The following G3BP2 variants were observed in gnomAD, a reference collection of about 807,000 sequenced individuals.
The protein encoded by G3BP2 is ras GTPase-activating protein-binding protein 2.
A neutral mutation model predicts 56.7 loss-of-function variants in G3BP2; 11 were observed. That is an observed-to-expected ratio of 0.19 (90% CI 0.12 to 0.32). The LOEUF (loss-of-function observed/expected upper bound fraction) is 0.32, where lower values mean the gene tolerates loss of function less well. G3BP2 is among the 10% of genes least tolerant of loss of function. G3BP2 has a pLI of 1.00. For synonymous variants in G3BP2, 165 were observed against 191.6 expected (o/e 0.86, Z 1.15); for missense variants, 340 against 610.9 (o/e 0.56, Z 4.67).
intron 3 of G3BP2, among the ~76,000 whole-genome samples, chr4:75,707,442 T>TACTAAAAATACAAAAAA: frequency 6.6e-6 from 1 of 151,898 alleles, no homozygotes; most frequent in East Asian, 1.9e-4. Flanking sequence ...ACCCCGTCTC[T>TACTAAAAATACAAAAAA]ACTAAAAATA....
rs946890318 is a variant in G3BP2 at position 75,654,923 on chromosome 4, T to G, written c.726+143A>C. 5 of 624,170 alleles carry G rather than the reference T, an allele frequency of 8.0e-6. No individual in the cohort carries two copies. The African/African-American group carries it at 9.3e-5, about 12-fold the overall frequency. The allele number at this position is 624,170 out of a possible 1,614,324, so 38.7% of individuals were successfully genotyped here. On this transcript the variant is annotated intron_variant, in intron 7 of 11. Coordinates refer to ENST00000359707, the MANE Select transcript of G3BP2 (RefSeq NM_203505.3). ...AGGGAAACAATAACATTTTCTCAGG[T>G]AACAAACAAACCCCACAGCTTCTTT...
intron 1 of G3BP2, among the ~76,000 whole-genome samples, chr4:75,667,851 T>TG (rs1304843961): frequency 6.6e-6 from 1 of 152,130 alleles, no homozygotes; most frequent in Admixed American, 6.6e-5. Context: ...ATCACACCCT[T>TG]GCACTTCAGC....
chr4:75,704,308 C>A (rs1410843214), intron 3 of G3BP2, among the ~76,000 whole-genome samples: 1 of 151,882 alleles, frequency 6.6e-6, no homozygotes, highest in African/African-American at 2.4e-5. Flanking sequence ...TGAGCCCCCG[C>A]CGGACCTGTT....
At chr4:75,722,356 T>C (rs541031828) in intron 1 of G3BP2, among the ~76,000 whole-genome samples, 4 of 152,234 alleles carry the variant, frequency 2.6e-5, no homozygotes, top group African/African-American at 9.6e-5. Flanking sequence ...AGTAACCTAC[T>C]GTACCCACCA....
chr4:75,687,450 C>T (rs1718660170), intron 3 of G3BP2, among the ~76,000 whole-genome samples: 1 of 152,136 alleles, frequency 6.6e-6, no homozygotes, highest in Non-Finnish European at 1.5e-5. Flanking sequence ...TCATCCCAGT[C>T]CCAGGTATGT....
chr4:75,704,694 G>A (rs530458564), intron 3 of G3BP2, among the ~76,000 whole-genome samples: 7 of 152,056 alleles, frequency 4.6e-5, no homozygotes, highest in African/African-American at 7.2e-5. Flanking sequence ...GTGCAGTGGC[G>A]CAATCTCGGC....
intron 4 of G3BP2, 79 bp from the exon 5 acceptor site, chr4:75,657,093 A>T (rs1485864005): frequency 7.6e-6 from 5 of 655,464 alleles, no homozygotes; most frequent in Non-Finnish European, 1.3e-5. Flanking sequence ...GGCATACACA[A>T]TTTCTCATTT....
chr4:75,689,953 C>A (rs1718782476), intron 3 of G3BP2, among the ~76,000 whole-genome samples: 1 of 152,104 alleles, frequency 6.6e-6, no homozygotes, highest in African/African-American at 2.4e-5. Context: ...TCTGGGGTGG[C>A]AATAAGGTTT....
intron 1 of G3BP2, among the ~76,000 whole-genome samples, chr4:75,664,360 T>C (rs1461914203): frequency 6.6e-6 from 1 of 151,938 alleles, no homozygotes; most frequent in Non-Finnish European, 1.5e-5. Flanking sequence ...GCAGATCGCC[T>C]GAGGTCAGGA....
chr4:75,703,285 CAG>C (rs916588609), intron 3 of G3BP2, among the ~76,000 whole-genome samples: 1 of 152,184 alleles, frequency 6.6e-6, no homozygotes, highest in African/African-American at 2.4e-5. Context: ...AGGGCTTAAA[CAG>C]TGTCTGCACC....
Position 75,645,222 on chromosome 4 carries a change from T to A in G3BP2, c.*208A>T, listed in dbSNP as rs749406693. On this transcript the variant is annotated 3_prime_UTR_variant, in exon 12 of 12. Transcript: ENST00000359707. Reference sequence around the variant, plus strand: ...ATTTCTCAGTCCTTAATTCTCCAAGTCTAGATTTATAAATTAACAATGTGA... The same window carrying A: ...ATTTCTCAGTCCTTAATTCTCCAAGACTAGATTTATAAATTAACAATGTGA... 3.1e-5 allele frequency: 18 copies of A among 586,236 alleles called. No homozygotes were observed. The highest frequency in any genetic ancestry group is 5.4e-5 in the Non-Finnish European group (18 of 334,110). The allele number at this position is 586,236 out of a possible 1,614,324, so 36.3% of individuals were successfully genotyped here.
chr4:75,713,066 T>G (rs2149111090), intron 3 of G3BP2, among the ~76,000 whole-genome samples: 1 of 152,344 alleles, frequency 6.6e-6, no homozygotes, highest in East Asian at 1.9e-4. Context: ...TATTTTTAAG[T>G]ATCAATCATA....
At chr4:75,718,886 A>C (rs1307390972) in intron 3 of G3BP2, among the ~76,000 whole-genome samples, 1 of 152,166 alleles carries the variant, frequency 6.6e-6, no homozygotes, top group Admixed American at 6.5e-5. Flanking sequence ...GAGAAAAAAA[A>C]ACAAAAACAG....
At chr4:75,688,630 G>T (rs1474781968) in intron 3 of G3BP2, among the ~76,000 whole-genome samples, 2 of 152,142 alleles carry the variant, frequency 1.3e-5, no homozygotes, top group Non-Finnish European at 2.9e-5. Context: ...GCACCTGAAT[G>T]TTCAAATACA....
intron 3 of G3BP2, among the ~76,000 whole-genome samples, chr4:75,683,073 A>G (rs945426463): frequency 4.3e-4 from 65 of 152,200 alleles, no homozygotes; most frequent in African/African-American, 1.4e-3. Context: ...GGAGCAGAAC[A>G]CAGCCAGTCC....
At chr4:75,665,007 T>A (rs1560623211) in intron 1 of G3BP2, among the ~76,000 whole-genome samples, 1 of 152,074 alleles carries the variant, frequency 6.6e-6, no homozygotes, top group Non-Finnish European at 1.5e-5. Flanking sequence ...AAATTAAAAA[T>A]AAAAAGTCAA....
chr4:75,707,603 C>CAAAAA, intron 3 of G3BP2, among the ~76,000 whole-genome samples: 1 of 116,804 alleles, frequency 8.6e-6, no homozygotes. Flanking sequence ...GAGCGAGACT[C>CAAAAA]AAAAAAAAAA....
chr4:75,652,303 G>C (rs13119038), intron 8 of G3BP2, among the ~76,000 whole-genome samples: 60,195 of 152,028 alleles, frequency 0.4, 12,913 homozygotes, highest in African/African-American at 0.54. Flanking sequence ...ACATGACTCT[G>C]CAGCAAGGTG....
In G3BP2 at chr4:75,710,420, C is replaced by T. The variant is rs544484934; in HGVS notation, c.-25+10457G>A. Among the ~76,000 whole-genome samples, 242 of 152,268 alleles carry T rather than the reference C, an allele frequency of 1.6e-3. 1 individual carries two copies. The highest frequency in any genetic ancestry group is 2.6e-3 in the Non-Finnish European group (177 of 68,032). On this transcript the variant is annotated intron_variant, in intron 3 of 3. Transcript: ENST00000499709. ...CTCTGTAATCTATTGGTTACTTTTC[C>T]ACATCTCATAAATTATGTACTTCCC...
Sources: gnomAD v4.1 joint callset for allele counts (sites outside exome capture counted in the v4.1 genomes callset) on GRCh38, gnomAD v4.1.1 for gene constraint, MANE v1.5 for transcripts, NCBI Gene and HGNC (gene_info 2026-07-23, HGNC 2026-07-21) for gene names.